RARB: variants seen among roughly 807,000 people sequenced by gnomAD.
RARB encodes the protein retinoic acid receptor beta, also known as HBV-activated protein.
A neutral mutation model predicts 51.9 loss-of-function variants in RARB; 17 were observed. That is an observed-to-expected ratio of 0.33 (90% confidence interval 0.22 to 0.49). The LOEUF (loss-of-function observed/expected upper bound fraction) is 0.49, where lower values mean the gene tolerates loss of function less well. RARB is among the 20% of genes least tolerant of loss of function. The pLI is 0.99. For synonymous variants in RARB, 215 were observed against 195.4 expected, an observed-to-expected ratio of 1.10 and a Z score of -0.84; for missense variants, 369 against 550.8, an observed-to-expected ratio of 0.67 and a Z score of 3.30.
At chr3:25,270,406 TATATG>T (rs1703231027) in intron 5 of RARB, among the ~76,000 whole-genome samples, 1 of 152,182 alleles carries the variant, frequency 6.6e-6, no homozygotes, top group South Asian at 2.1e-4. Context: ...TAATTCCACT[TATATG>T]AGGTACCTAA....
chr3:25,582,715 C>T (rs1331929048), intron 5 of RARB, among the ~76,000 whole-genome samples: 1 of 152,100 alleles, frequency 6.6e-6, no homozygotes, highest in Admixed American at 6.5e-5. Flanking sequence ...TACACTGAAT[C>T]CTGCAGCACT....
intron 2 of RARB, among the ~76,000 whole-genome samples, chr3:25,001,631 T>G (rs541746106): frequency 6.6e-6 from 1 of 152,310 alleles, no homozygotes; most frequent in African/African-American, 2.4e-5. Flanking sequence ...AACATGCTCC[T>G]TGTTCCACTG....
intron 2 of RARB, among the ~76,000 whole-genome samples, chr3:24,892,934 A>G (rs574897251): frequency 2.6e-5 from 4 of 152,190 alleles, no homozygotes; most frequent in Admixed American, 1.3e-4. Context: ...TCTCTTGGCA[A>G]TTGCTTTTCA....
At chr3:24,846,564 A>T (rs1450792448) in intron 1 of RARB, among the ~76,000 whole-genome samples, 1 of 152,144 alleles carries the variant, frequency 6.6e-6, no homozygotes, top group East Asian at 1.9e-4. Flanking sequence ...CTTTCCTATG[A>T]GGTATGGCCA....
At chr3:25,247,394 G>A (rs899293816) in intron 5 of RARB, among the ~76,000 whole-genome samples, 9 of 152,262 alleles carry the variant, frequency 5.9e-5, no homozygotes, top group East Asian at 5.8e-4. Context: ...CATCTGGTTC[G>A]GTGTCTGTCC....
intron 3 of RARB, among the ~76,000 whole-genome samples, chr3:25,521,984 C>T (rs1698419444): frequency 6.7e-6 from 1 of 148,820 alleles, no homozygotes; most frequent in African/African-American, 2.6e-5. Context: ...ACTTCTCTTG[C>T]TGCTTTTTTC....
intron 1 of RARB, among the ~76,000 whole-genome samples, chr3:24,843,325 A>G (rs1171041581): frequency 6.6e-6 from 1 of 152,218 alleles, no homozygotes; most frequent in Non-Finnish European, 1.5e-5. Context: ...TAGATAAAAC[A>G]TTAATTTTAA....
At chr3:25,420,293 A>G (rs1387978128) in intron 5 of RARB, among the ~76,000 whole-genome samples, 1 of 152,076 alleles carries the variant, frequency 6.6e-6, no homozygotes, top group Non-Finnish European at 1.5e-5. Flanking sequence ...TGCCCCTCTG[A>G]TGTGTTTGTA....
chr3:25,580,626 T>G lies in RARB; in HGVS notation c.690T>G (p.Ile230Met). ...KFSELATKCI[I>M]KIVEFAKRLP... ...GTGAACTGGCCACCAAGTGCATTAT[T>G]AAGATCGTGGAGTTTGCTAAACGTC... Residue 230 changes from isoleucine to methionine, a missense_variant, in exon 5 of 8, where the codon ATT (isoleucine) becomes ATG (methionine). Transcript: ENST00000330688. The G allele has an allele frequency of 6.2e-7, 1 of 1,613,200 alleles. No individual in the cohort carries two copies.
At chr3:24,993,300 CAT>C (rs1196181397) in intron 2 of RARB, among the ~76,000 whole-genome samples, 1 of 152,054 alleles carries the variant, frequency 6.6e-6, no homozygotes, top group African/African-American at 2.4e-5. Flanking sequence ...ATGCCAGAAG[CAT>C]AGTTTTAATT....
chr3:25,224,098 CAG>C (rs1702004002), intron 5 of RARB, among the ~76,000 whole-genome samples: 1 of 152,104 alleles, frequency 6.6e-6, no homozygotes, highest in Non-Finnish European at 1.5e-5. Flanking sequence ...CTCATTTTGA[CAG>C]AAGAGGAAAC....
chr3:25,147,274 T>C (rs1181862858), intron 4 of RARB, among the ~76,000 whole-genome samples: 1 of 152,076 alleles, frequency 6.6e-6, no homozygotes, highest in African/African-American at 2.4e-5. Context: ...ATCCTCTCCT[T>C]GAAATATGAC....
chr3:25,458,111 TTAAAA>T lies in RARB; in HGVS notation c.158-3078_158-3074del, dbSNP rs1164884128. 2.6e-5 allele frequency among the ~76,000 whole-genome samples: 4 copies of T among 152,312 alleles called. No homozygotes were observed. In the East Asian group the frequency reaches 5.8e-4, roughly 22 times the overall value. ...AACATGCATTAAAAACAAAATATTTTTAAAATAACAACCTTTGAACTGATAATTAC... is the reference window on the plus strand; with the variant it reads ...AACATGCATTAAAAACAAAATATTTTTAACAACCTTTGAACTGATAATTAC... On this transcript the variant is annotated intron_variant, in intron 1 of 7. Transcript: ENST00000330688.
At chr3:25,455,821 G>C (rs1056491626) in intron 1 of RARB, among the ~76,000 whole-genome samples, 1 of 152,202 alleles carries the variant, frequency 6.6e-6, no homozygotes, top group Admixed American at 6.5e-5. Flanking sequence ...GCTGCTGCTT[G>C]TTGGGCATTC....
chr3:25,500,608 G>A (rs1697265319), intron 2 of RARB, among the ~76,000 whole-genome samples: 1 of 151,114 alleles, frequency 6.6e-6, no homozygotes, highest in Non-Finnish European at 1.5e-5. Context: ...GCCTCCCAAG[G>A]GCTGGGATTA....
chr3:25,202,566 G>T (rs892267961), intron 5 of RARB, among the ~76,000 whole-genome samples: 2 of 152,106 alleles, frequency 1.3e-5, no homozygotes, highest in East Asian at 3.8e-4. Flanking sequence ...TGTCTTGCGG[G>T]CATTTAGTGC....
chr3:25,160,920 T>C (rs73145368), intron 4 of RARB, among the ~76,000 whole-genome samples: 1 of 152,098 alleles, frequency 6.6e-6, no homozygotes, highest in African/African-American at 2.4e-5. Flanking sequence ...CTTCTCCTCT[T>C]CTATAATCAA....
At chr3:24,915,595 G>C (rs1478220033) in intron 2 of RARB, among the ~76,000 whole-genome samples, 1 of 152,120 alleles carries the variant, frequency 6.6e-6, no homozygotes. Flanking sequence ...CCCAAATGTT[G>C]TTTCATGAAG....
intron 5 of RARB, among the ~76,000 whole-genome samples, chr3:25,312,891 G>T (rs551271303): frequency 6.6e-6 from 1 of 152,234 alleles, no homozygotes; most frequent in African/African-American, 2.4e-5. Flanking sequence ...GCCAGTCCTG[G>T]TGACCAATGA....
Sources: allele counts gnomAD v4.1 joint callset (sites outside exome capture counted in the v4.1 genomes callset), GRCh38; gene constraint gnomAD v4.1.1; transcripts MANE v1.5; gene names NCBI Gene and HGNC (gene_info 2026-07-23, HGNC 2026-07-21).